The following UBE2O variants were observed in gnomAD, a reference collection of about 807,000 sequenced individuals.
UBE2O encodes (E3-independent) E2 ubiquitin-conjugating enzyme.
A neutral mutation model predicts 125.8 loss-of-function variants in UBE2O; 15 were observed. The observed-to-expected ratio is 0.12, with a 90% CI of 0.08 to 0.18. UBE2O has a LOEUF of 0.18. UBE2O is among the 10% of genes least tolerant of loss of function. The probability of loss-of-function intolerance (pLI) is 1.00; values close to 1 mark genes in which losing one functional copy is unlikely to be tolerated. For synonymous variants in UBE2O, 708 were observed against 703.2 expected, an observed-to-expected ratio of 1.01 and a Z score of -0.11; for missense variants, 1,280 against 1,723.6, an observed-to-expected ratio of 0.74 and a Z score of 4.56.
Position 76,405,294 on chromosome 17 carries a change from A to G in UBE2O, c.500T>C (p.Ile167Thr). The change falls in exon 3 of 18, where the codon ATC becomes ACC. Residue 167 changes from isoleucine (I) to threonine (T), a missense_variant. Ile to Thr is a moderately conservative substitution (Grantham distance 89). Coordinates refer to ENST00000319380, the MANE Select transcript of UBE2O (RefSeq NM_022066.4). This position sits in a 1 kb window ranked among gnomAD's most constrained non-coding sequence, Gnocchi z 6.1. ...GACGGCACAGTCGATGTTGACGTCG[A>G]TCACCGTGCCACACTGACTGTCCTG... ...RSTDSQCGTV[I>T]DVNIDCAVKL... The G allele has an allele frequency of 6.2e-7, 1 of 1,613,052 alleles. No individual in the cohort carries two copies. The highest frequency in any genetic ancestry group is 8.5e-7 in the Non-Finnish European group (1 of 1,179,278).
rs1598587015 is a variant in UBE2O, at chr17:76,400,352, TG to T, written c.1005-56del. On this transcript the variant is annotated intron_variant, in intron 7 of 17. Coordinates refer to ENST00000319380, the MANE Select transcript of UBE2O (RefSeq NM_022066.4). This position sits in a 1 kb window ranked among gnomAD's most constrained non-coding sequence, Gnocchi z 4.3. ...GGCTGGACTCCTGGGAGGCCAGCAG[TG>T]TTCTTAAGCCTCCCCAGGCATGTGA... is the stretch of plus-strand genomic sequence containing the variant. The T allele has an allele frequency of 1.2e-6, 2 of 1,601,056 alleles. No individual in the cohort carries two copies. Among genetic ancestry groups the T allele is most frequent in the East Asian group, 4.5e-5 (2 of 44,642 alleles).
At chr17:76,430,830 C>A in intron 1 of UBE2O, 1 of 347,018 alleles carries the variant, frequency 2.9e-6, no homozygotes. Flanking sequence ...GGGCTCACAC[C>A]ACTGATACCT....
At chr17:76,438,431 C>T (rs781025772) in intron 1 of UBE2O, among the ~76,000 whole-genome samples, 3 of 152,156 alleles carry the variant, frequency 2.0e-5, no homozygotes, top group African/African-American at 4.8e-5. Context: ...ACTAATGTCC[C>T]TACTCCTGCT....
At chr17:76,422,341 T>C (rs548045128) in intron 1 of UBE2O, among the ~76,000 whole-genome samples, 13 of 152,208 alleles carry the variant, frequency 8.5e-5, no homozygotes, top group African/African-American at 2.6e-4. Context: ...TGAGCTCAAG[T>C]CCCATCTCTC....
intron 1 of UBE2O, among the ~76,000 whole-genome samples, chr17:76,419,620 G>A (rs1403800158): frequency 6.6e-6 from 1 of 152,132 alleles, no homozygotes; most frequent in African/African-American, 2.4e-5. Context: ...CCTCTGCTCA[G>A]GTGGTCCAGA....
chr17:76,449,161 G>A (rs1056969614), intron 1 of UBE2O, among the ~76,000 whole-genome samples: 2 of 152,228 alleles, frequency 1.3e-5, no homozygotes, highest in African/African-American at 4.8e-5. Flanking sequence ...TTGTAAATTT[G>A]TTCACTAAAA....
chr17:76,395,891 T>A lies in UBE2O; in HGVS notation c.2810-30A>T, dbSNP rs2072198906. Reference sequence around the variant, plus strand: ...AGGGGGGAAGAGAATAGTCAGTCCCTCATGGAGAGGCCCTGGAGCTCCATC... The same window carrying A: ...AGGGGGGAAGAGAATAGTCAGTCCCACATGGAGAGGCCCTGGAGCTCCATC... On this transcript the variant is annotated intron_variant, in intron 14 of 17. Transcript: ENST00000319380. The surrounding 1 kb of genome is among the most constrained non-coding windows in gnomAD (Gnocchi z 5.0). 1 of 1,613,140 alleles carries A rather than the reference T, an allele frequency of 6.2e-7. No individual in the cohort carries two copies. Among genetic ancestry groups the A allele is most frequent in the South Asian group, 1.1e-5 (1 of 91,078 alleles).
chr17:76,440,658 T>C (rs189368363), intron 1 of UBE2O, among the ~76,000 whole-genome samples: 5 of 152,276 alleles, frequency 3.3e-5, no homozygotes, highest in East Asian at 3.9e-4. Flanking sequence ...GTGGCTCACA[T>C]TGTATCTCTA....
chr17:76,425,811 C>T (rs2072801672), intron 1 of UBE2O, among the ~76,000 whole-genome samples: 2 of 152,148 alleles, frequency 1.3e-5, no homozygotes, highest in Non-Finnish European at 2.9e-5. Flanking sequence ...TATCTTTGGG[C>T]TTTGTGTCTT....
intron 1 of UBE2O, among the ~76,000 whole-genome samples, chr17:76,442,084 C>T (rs570738778): frequency 1.7e-5 from 2 of 116,362 alleles, no homozygotes; most frequent in South Asian, 2.9e-4. Flanking sequence ...GTGCTTTAGG[C>T]GGGGTTCTTA....
In UBE2O at chr17:76,415,795, C is replaced by CTCTG. The variant is rs1555607402; in HGVS notation, c.418-10224_418-10223insCAGA. ...CTCCAGCTTGGGCAACAGAGCAAGA[C>CTCTG]TGTGTGTGTGTGTGTGTGTGTGTGT... On this transcript the variant is annotated intron_variant, in intron 1 of 17. Transcript: ENST00000319380. 3.7e-3 allele frequency among the ~76,000 whole-genome samples: 532 copies of CTCTG among 143,280 alleles called. 1 individual carries two copies. The highest frequency in any genetic ancestry group is 0.012 in the South Asian group (53 of 4,372). 94.0% of individuals were successfully genotyped at this position (143,280 alleles called of 152,430 possible). A position where few individuals can be genotyped will look rare whatever the true frequency, so the allele number is the denominator to read the frequency against.
chr17:76,425,419 A>C (rs2072796348), intron 1 of UBE2O, among the ~76,000 whole-genome samples: 1 of 151,922 alleles, frequency 6.6e-6, no homozygotes, highest in African/African-American at 2.4e-5. Context: ...CCCCCATCTT[A>C]CCCTCTCAAC....
Position 76,402,089 on chromosome 17 carries a change from T to C in UBE2O, c.725A>G (p.Asp242Gly). The C allele has an allele frequency of 3.7e-6, 6 of 1,613,628 alleles. No individual in the cohort carries two copies. Among genetic ancestry groups the C allele is most frequent in the Non-Finnish European group, 5.1e-6 (6 of 1,179,980 alleles). ...CGAGTCGCTGACGTGCGGGCAGACG[T>C]CGTAGAGCTTGGCGCCATCTTCCGT... is the stretch of plus-strand genomic sequence containing the variant. Reference protein sequence around the residue: ...MNTEDGAKLYDVCPHVSDSGL... With the variant: ...MNTEDGAKLYGVCPHVSDSGL... Residue 242 changes from aspartate (D) to glycine (G), a missense_variant, in exon 5 of 18, where the codon GAC becomes GGC. Physicochemically the swap from Asp to Gly is moderately conservative, Grantham distance 94. Around this residue, in one of 10 missense-constraint regions of UBE2O, gnomAD observed 206 missense variants for 315.7 expected, o/e 0.65. Transcript: ENST00000319380. This position sits in a 1 kb window ranked among gnomAD's most constrained non-coding sequence, Gnocchi z 5.4.
chr17:76,430,934 T>TA (rs1479331040), intron 1 of UBE2O: 1 of 380,252 alleles, frequency 2.6e-6, no homozygotes, highest in Admixed American at 3.1e-5. Context: ...TTCAGTTCTG[T>TA]ACATCTGCCT....
chr17:76,423,001 C>T (rs1191574253), intron 1 of UBE2O, among the ~76,000 whole-genome samples: 8 of 152,186 alleles, frequency 5.3e-5, no homozygotes, highest in Non-Finnish European at 1.2e-4. Flanking sequence ...AGATCCAGTG[C>T]CACGGGGAAG....
chr17:76,433,539 C>G (rs1446752861), intron 1 of UBE2O, among the ~76,000 whole-genome samples: 1 of 151,218 alleles, frequency 6.6e-6, no homozygotes, highest in African/African-American at 2.4e-5. Flanking sequence ...TTTGAGTATA[C>G]TAAAAACCAC....
At position 76,452,948 on chromosome 17, in the gene UBE2O, A is replaced by C; in HGVS notation, c.194T>G (p.Leu65Arg). ...GGAGCCACGGTAACGGCCCGACACC[A>C]GGTCGTGAGAAAACAGCAGGCGCTG... The part of the protein sequence containing the change: ...GSQRLLFSHD[L>R]VSGRYRGSVH... Residue 65 changes from leucine to arginine, a missense_variant, in exon 1 of 18, where the codon CTG becomes CGG. By Grantham distance (102) the Leu-to-Arg change is moderately radical. This residue lies in a region of UBE2O where 188 missense variants were observed against 192.5 expected (regional missense o/e 0.98). Coordinates refer to ENST00000319380, the MANE Select transcript of UBE2O (RefSeq NM_022066.4). This position sits in a 1 kb window ranked among gnomAD's most constrained non-coding sequence, Gnocchi z 4.4. The C allele has an allele frequency of 6.7e-7, 1 of 1,496,942 alleles. No individual in the cohort carries two copies. Among genetic ancestry groups the C allele is most frequent in the Non-Finnish European group, 8.9e-7 (1 of 1,122,914 alleles). The allele number at this position is 1,496,942 out of a possible 1,614,324, so 92.7% of individuals were successfully genotyped here. A position where few individuals can be genotyped will look rare whatever the true frequency, so the allele number is the denominator to read the frequency against.
intron 1 of UBE2O, among the ~76,000 whole-genome samples, chr17:76,415,633 G>C (rs1333964419): frequency 1.3e-5 from 2 of 151,976 alleles, no homozygotes; most frequent in Admixed American, 1.3e-4. Flanking sequence ...GGTGAAACCT[G>C]GTCTCTACTA....
chr17:76,406,082 C>A (rs2072412163), intron 1 of UBE2O, among the ~76,000 whole-genome samples: 1 of 152,244 alleles, frequency 6.6e-6, no homozygotes, highest in Admixed American at 6.5e-5. Flanking sequence ...ATGTTCTAAT[C>A]TGGGTTATCC....
Sources: gnomAD v4.1 joint callset for allele counts (sites outside exome capture counted in the v4.1 genomes callset) on GRCh38, gnomAD v4.1.1 for gene constraint, gnomAD v4.1.1 regional missense constraint, Gnocchi (gnomAD v3.1) non-coding constraint, MANE v1.5 for transcripts, NCBI Gene and HGNC (gene_info 2026-07-23, HGNC 2026-07-21) for gene names.